Variants in CEP85L observed in about 807,000 individuals in gnomAD.
The protein encoded by CEP85L is centrosomal protein of 85 kDa-like.
CEP85L carries 60 observed loss-of-function variants against 100.3 expected under a neutral mutation model. The observed-to-expected ratio is 0.60, with a 90% CI of 0.49 to 0.74. The LOEUF (loss-of-function observed/expected upper bound fraction) is 0.74. Among genes scored for constraint, CEP85L ranks in the 30% least tolerant of loss-of-function variants. The pLI, the probability that CEP85L is intolerant of heterozygous loss-of-function variation, is 0.00. For synonymous variants in CEP85L, 319 were observed against 322.7 expected (o/e 0.99, Z 0.12); for missense variants, 973 against 936.2 (o/e 1.04, Z -0.51).
At chr6:118,681,468 A>G (rs1002652920) in intron 1 of CEP85L, among the ~76,000 whole-genome samples, 9 of 152,212 alleles carry the variant, frequency 5.9e-5, no homozygotes, top group African/African-American at 1.9e-4. Context: ...GATTTTTTCA[A>G]CATGTTCATT....
chr6:118,597,266 C>T (rs998879599), intron 2 of CEP85L, among the ~76,000 whole-genome samples: 1 of 152,194 alleles, frequency 6.6e-6, no homozygotes, highest in Non-Finnish European at 1.5e-5. Context: ...TCTGACACTG[C>T]TTTATCTATG....
chr6:118,586,680 A>G (rs1780880766), intron 2 of CEP85L, among the ~76,000 whole-genome samples: 1 of 152,244 alleles, frequency 6.6e-6, no homozygotes, highest in African/African-American at 2.4e-5. Flanking sequence ...GCTGAAAATC[A>G]TAAAAGATAA....
intron 2 of CEP85L, among the ~76,000 whole-genome samples, chr6:118,584,976 C>T (rs2115093283): frequency 6.6e-6 from 1 of 152,322 alleles, no homozygotes; most frequent in East Asian, 1.9e-4. Context: ...ATGAACAAAT[C>T]ATAGTACAGA....
At position 118,666,246 on chromosome 6, in the gene CEP85L, CCTT is replaced by C. The variant is rs567321861; in HGVS notation, c.-27-13441_-27-13439del. Among the ~76,000 whole-genome samples, 9 of 152,292 alleles carry C rather than the reference CCTT, an allele frequency of 5.9e-5. No homozygotes were observed. In the South Asian group the frequency reaches 1.7e-3, roughly 28 times the overall value. ...TTTAGTTCTCTGCCTGGGGCTTCCT[CCTT>C]CATATCCAAAGCGGACCTATACAGG... On this transcript the variant is annotated intron_variant, in intron 1 of 13. Transcript: ENST00000368488.
intron 3 of CEP85L, among the ~76,000 whole-genome samples, chr6:118,546,712 T>C (rs1583020341): frequency 6.6e-6 from 1 of 152,166 alleles, no homozygotes; most frequent in East Asian, 1.9e-4. Context: ...GACAAATTAC[T>C]GTAAACCTCG....
At chr6:118,539,907 CTTTTA>C (rs1202099955) in intron 3 of CEP85L, among the ~76,000 whole-genome samples, 6 of 152,068 alleles carry the variant, frequency 3.9e-5, no homozygotes, top group South Asian at 2.1e-4. Flanking sequence ...ATGTTTTCTT[CTTTTA>C]TATGTTAAAA....
chr6:118,616,986 CCAG>C (rs1381067089), intron 2 of CEP85L, among the ~76,000 whole-genome samples: 1 of 149,832 alleles, frequency 6.7e-6, no homozygotes, highest in African/African-American at 2.5e-5. Context: ...TCACTTGAGC[CCAG>C]GAGTTCAAGA....
chr6:118,504,428 AAAT>A (rs989825175), intron 5 of CEP85L, among the ~76,000 whole-genome samples: 3 of 152,146 alleles, frequency 2.0e-5, no homozygotes, highest in African/African-American at 2.4e-5. Flanking sequence ...ATTTAAAAAA[AAAT>A]AATAATACTA....
At chr6:118,544,248 C>G (rs1363919920) in intron 3 of CEP85L, among the ~76,000 whole-genome samples, 2 of 152,094 alleles carry the variant, frequency 1.3e-5, no homozygotes, top group East Asian at 3.9e-4. Flanking sequence ...ATTTGGAGAC[C>G]TAAGGGTTGG....
At chr6:118,622,075 A>C (rs1419822826) in intron 2 of CEP85L, among the ~76,000 whole-genome samples, 1 of 152,188 alleles carries the variant, frequency 6.6e-6, no homozygotes, top group Admixed American at 6.5e-5. Context: ...TAGCCCTACA[A>C]CCAGGGGCAT....
chr6:118,682,635 G>A (rs944781824), intron 1 of CEP85L, among the ~76,000 whole-genome samples: 1 of 151,808 alleles, frequency 6.6e-6, no homozygotes, highest in Non-Finnish European at 1.5e-5. Flanking sequence ...CCACTGTTGA[G>A]TTGTTCACAT....
intron 2 of CEP85L, among the ~76,000 whole-genome samples, chr6:118,619,061 T>TTGGACGATCACAATTGGA (rs571270063): frequency 2.1e-3 from 327 of 152,200 alleles, no homozygotes; most frequent in African/African-American, 7.6e-3. Flanking sequence ...GATCATGCGC[T>TTGGACGATCACAATTGGA]CCGAGCACAA....
rs553409246 is a variant in CEP85L, at chr6:118,534,811, G to A, written c.1021-10891C>T. 1.5e-4 allele frequency among the ~76,000 whole-genome samples: 23 copies of A among 152,150 alleles called. No homozygotes were observed. In the South Asian group the frequency reaches 4.4e-3, roughly 29 times the overall value. On this transcript the variant is annotated intron_variant, in intron 3 of 12. Coordinates refer to ENST00000368491, the MANE Select transcript of CEP85L (RefSeq NM_001042475.3). ...TAGGCAAGTGGATCCCTTGAGGCCA[G>A]GAGTTTGAGACCAGCCTAGCCAACA... is the stretch of plus-strand genomic sequence containing the variant.
chr6:118,490,960 G>A (rs1000494803), intron 6 of CEP85L, among the ~76,000 whole-genome samples: 1 of 151,784 alleles, frequency 6.6e-6, no homozygotes, highest in African/African-American at 2.4e-5. Context: ...CCATATTTTT[G>A]CAATTGCAAA....
chr6:118,502,587 G>C (rs1311505208), intron 5 of CEP85L: 1 of 477,942 alleles, frequency 2.1e-6, no homozygotes, highest in African/African-American at 2.0e-5. Flanking sequence ...CGCTCCGGTT[G>C]AAGTTTTTGA....
rs1772269322 is a variant in CEP85L at position 118,462,235 on chromosome 6, T to C, written c.*3170A>G. The stretch of plus-strand genomic sequence containing the variant: ...AATATAATACTGTTAGCATTAAATA[T>C]TGAATCCTAGGTGCCACACTTCTTT... On this transcript the variant is annotated 3_prime_UTR_variant, in exon 13 of 13. Coordinates refer to ENST00000368491, the MANE Select transcript of CEP85L (RefSeq NM_001042475.3). 1 of 152,068 alleles carries C rather than the reference T, an allele frequency of 6.6e-6. No homozygotes were observed. Among genetic ancestry groups the C allele is most frequent in the Non-Finnish European group, 1.5e-5 (1 of 67,910 alleles). 9.4% of individuals were successfully genotyped at this position (152,068 alleles called of 1,614,324 possible). A position where few individuals can be genotyped will look rare whatever the true frequency, so the allele number is the denominator to read the frequency against.
At chr6:118,702,683 G>T (rs888380098) in intron 1 of CEP85L, among the ~76,000 whole-genome samples, 3 of 151,964 alleles carry the variant, frequency 2.0e-5, no homozygotes, top group African/African-American at 7.2e-5. Flanking sequence ...TTACAAAATT[G>T]TTTACAACTT....
chr6:118,703,782 G>A (rs958799389), intron 1 of CEP85L, among the ~76,000 whole-genome samples: 8 of 151,974 alleles, frequency 5.3e-5, no homozygotes, highest in African/African-American at 1.9e-4. Context: ...AGTGAAGTTG[G>A]GGAGGTGAAA....
chr6:118,553,961 T>C (rs76399616), intron 3 of CEP85L, among the ~76,000 whole-genome samples: 1 of 152,194 alleles, frequency 6.6e-6, no homozygotes, highest in Non-Finnish European at 1.5e-5. Flanking sequence ...CAAATTGTTA[T>C]TAGAACTAGT....
Sources: gnomAD v4.1 joint callset for allele counts (sites outside exome capture counted in the v4.1 genomes callset) on GRCh38, gnomAD v4.1.1 for gene constraint, MANE v1.5 for transcripts, NCBI Gene and HGNC (gene_info 2026-07-23, HGNC 2026-07-21) for gene names.